Variants in DPP10 observed in about 807,000 individuals in gnomAD.
DPP10 encodes the protein inactive dipeptidyl peptidase 10.
DPP10 carries 33 observed loss-of-function variants against 120.9 expected under a neutral mutation model. The ratio of observed to expected loss-of-function variants is 0.27; its 90% CI spans 0.21 to 0.37. The LOEUF is 0.37. Among genes scored for constraint, DPP10 ranks in the 10% least tolerant of loss-of-function variants. The probability of loss-of-function intolerance (pLI) is 1.00; values close to 1 mark genes in which losing one functional copy is unlikely to be tolerated. For missense variants in DPP10, 816 were observed against 942.8 expected (o/e 0.87, Z 1.76); for synonymous variants, 337 against 326.1 (o/e 1.03, Z -0.36).
In DPP10 at chr2:115,067,942, T is replaced by A. The variant is rs1031211562; in HGVS notation, c.61-241297T>A. Among the ~76,000 whole-genome samples, 4 of 151,482 alleles carry A rather than the reference T, an allele frequency of 2.6e-5. No individual in the cohort carries two copies. In the South Asian group the frequency reaches 8.4e-4, roughly 32 times the overall value. ...GGGTGTGTGGGGGTGTGTGTTTTTG[T>A]GTCTGTGTATTTTCTTTGTCTATTC... On this transcript the variant is annotated intron_variant, in intron 1 of 25. Transcript: ENST00000410059.
chr2:115,130,960 T>C (rs72837516), intron 1 of DPP10: 8,645 of 152,282 alleles, frequency 0.057, 384 homozygotes, highest in East Asian at 0.23. Flanking sequence ...GGTCTCCTAG[T>C]AGGTTTTCTT....
At chr2:115,123,734 C>T (rs1036370142) in intron 1 of DPP10, among the ~76,000 whole-genome samples, 6 of 152,102 alleles carry the variant, frequency 3.9e-5, no homozygotes, top group African/African-American at 1.4e-4. Flanking sequence ...GCCTAACATT[C>T]CTGGGGCAGC....
At position 114,980,598 on chromosome 2, in the gene DPP10, G is replaced by A. The variant is rs566940737; in HGVS notation, c.61-328641G>A. ...AAAAGAAAAAGTCACACTTCATACAGTTTCTAGAACTTAGAAGGAACAAAA... is the reference window on the plus strand; with the variant it reads ...AAAAGAAAAAGTCACACTTCATACAATTTCTAGAACTTAGAAGGAACAAAA... On this transcript the variant is annotated intron_variant, in intron 1 of 25. Transcript: ENST00000410059. 6.2e-5 allele frequency among the ~76,000 whole-genome samples: 9 copies of A among 145,994 alleles called. No individual in the cohort carries two copies. In the East Asian group the frequency reaches 1.8e-3, roughly 30 times the overall value.
rs17044098 is a variant in DPP10, at chr2:115,114,951, C to T, written c.61-194288C>T. 9.1e-3 allele frequency among the ~76,000 whole-genome samples: 1,376 copies of T among 151,858 alleles called. 29 individuals carry two copies. The highest frequency in any genetic ancestry group is 0.032 in the African/African-American group (1,311 of 41,404). The stretch of plus-strand genomic sequence containing the variant: ...TGATAAGAATAAAGAAAATCCAAAG[C>T]GTTACACTGCCTGCAAAATGAACAG... On this transcript the variant is annotated intron_variant, in intron 1 of 25. Coordinates refer to ENST00000410059, the MANE Select transcript of DPP10 (RefSeq NM_020868.6).
chr2:115,297,462 T>C (rs2060935383), intron 1 of DPP10, among the ~76,000 whole-genome samples: 1 of 152,058 alleles, frequency 6.6e-6, no homozygotes, highest in Non-Finnish European at 1.5e-5. Flanking sequence ...CTATTGAGAA[T>C]CAATATTTGA....
chr2:115,829,051 A>C (rs1214120261), intron 21 of DPP10, among the ~76,000 whole-genome samples: 1 of 152,136 alleles, frequency 6.6e-6, no homozygotes, highest in Non-Finnish European at 1.5e-5. Flanking sequence ...GAGGCAAAAA[A>C]CTGAAGTTCT....
intron 5 of DPP10, among the ~76,000 whole-genome samples, chr2:115,669,125 T>C (rs1057406112): frequency 1.6e-4 from 24 of 152,242 alleles, no homozygotes; most frequent in African/African-American, 5.1e-4. Context: ...TTATTGTTAC[T>C]GTTATTGAGT....
At chr2:114,814,581 C>A (rs1042462142) in intron 1 of DPP10, among the ~76,000 whole-genome samples, 3 of 151,970 alleles carry the variant, frequency 2.0e-5, no homozygotes, top group Non-Finnish European at 4.4e-5. Context: ...TTGAGGCACC[C>A]GATAGCTGCA....
intron 2 of DPP10, among the ~76,000 whole-genome samples, chr2:115,332,075 G>A (rs1245086248): frequency 6.6e-6 from 1 of 152,036 alleles, no homozygotes; most frequent in South Asian, 2.1e-4. Flanking sequence ...TGGTTGGTAA[G>A]CTATTGATTA....
chr2:115,142,604 C>T (rs1272035109), intron 1 of DPP10, among the ~76,000 whole-genome samples: 1 of 152,188 alleles, frequency 6.6e-6, no homozygotes, highest in African/African-American at 2.4e-5. Flanking sequence ...GCAGGGCCCA[C>T]AAGCTCTCAA....
At chr2:115,832,250 A>C (rs1689000577) in intron 21 of DPP10, among the ~76,000 whole-genome samples, 1 of 152,194 alleles carries the variant, frequency 6.6e-6, no homozygotes, top group Non-Finnish European at 1.5e-5. Context: ...GTTCTTTGGG[A>C]GGCCAAGGCG....
chr2:115,471,763 G>C (rs1330610197), intron 3 of DPP10, among the ~76,000 whole-genome samples: 2 of 99,626 alleles, frequency 2.0e-5, no homozygotes, highest in African/African-American at 7.3e-5. Context: ...GTCTTTTTTT[G>C]TTTGTCTGTT....
Position 114,880,719 on chromosome 2 carries a change from A to T in DPP10, c.61-428520A>T, listed in dbSNP as rs574553690. Among the ~76,000 whole-genome samples the T allele has an allele frequency of 3.3e-5, 5 of 152,320 alleles. No homozygotes were observed. The East Asian group carries it at 9.6e-4, about 29-fold the overall frequency. ...GTGAGGAAATATACAAAATGTGCCA[A>T]GTTTTTCAAACGGATTCAAAAAATT... is the stretch of plus-strand genomic sequence containing the variant. On this transcript the variant is annotated intron_variant, in intron 1 of 25. Coordinates refer to ENST00000410059, the MANE Select transcript of DPP10 (RefSeq NM_020868.6).
At chr2:114,565,256 G>A (rs1689107724) in intron 1 of DPP10, among the ~76,000 whole-genome samples, 1 of 152,178 alleles carries the variant, frequency 6.6e-6, no homozygotes, top group Non-Finnish European at 1.5e-5. Flanking sequence ...CAGCTGCTGG[G>A]CTTCTCTTTT....
Position 115,138,724 on chromosome 2 carries a change from G to A in DPP10, c.61-170515G>A, listed in dbSNP as rs962683939. On this transcript the variant is annotated intron_variant, in intron 1 of 25. Coordinates refer to ENST00000410059, the MANE Select transcript of DPP10 (RefSeq NM_020868.6). ...TACCAAGGTAATTCAATTTTATAACGGACAATTTTAAAAGGCATTTTGAAA... is the reference window on the plus strand; with the variant it reads ...TACCAAGGTAATTCAATTTTATAACAGACAATTTTAAAAGGCATTTTGAAA... Among the ~76,000 whole-genome samples the A allele has an allele frequency of 2.6e-5, 4 of 151,992 alleles. No individual in the cohort carries two copies. The East Asian group carries it at 5.8e-4, about 22-fold the overall frequency.
chr2:115,395,426 T>C (rs1444980282), intron 3 of DPP10, among the ~76,000 whole-genome samples: 1 of 152,234 alleles, frequency 6.6e-6, no homozygotes, highest in Non-Finnish European at 1.5e-5. Flanking sequence ...CTTTGACATG[T>C]GGGTTTCAGA....
intron 3 of DPP10, among the ~76,000 whole-genome samples, chr2:115,459,471 A>T (rs959481524): frequency 5.9e-5 from 9 of 152,086 alleles, no homozygotes; most frequent in Non-Finnish European, 1.2e-4. Context: ...GTTTGATTTT[A>T]ATATAAAGTT....
chr2:114,559,932 G>C (rs1258294807), intron 1 of DPP10, among the ~76,000 whole-genome samples: 2 of 145,670 alleles, frequency 1.4e-5, no homozygotes, highest in Non-Finnish European at 3.0e-5. Flanking sequence ...GAAAGAAGAA[G>C]GAAAGGACAG....
intron 3 of DPP10, among the ~76,000 whole-genome samples, chr2:115,450,078 G>A (rs1342679645): frequency 6.6e-6 from 1 of 151,934 alleles, no homozygotes; most frequent in African/African-American, 2.4e-5. Flanking sequence ...TTTATGGTGA[G>A]TTTATGTCCC....
Sources: allele counts gnomAD v4.1 joint callset (sites outside exome capture counted in the v4.1 genomes callset), GRCh38; gene constraint gnomAD v4.1.1; transcripts MANE v1.5; gene names NCBI Gene and HGNC (gene_info 2026-07-23, HGNC 2026-07-21).